Variants in GPHN observed in about 807,000 individuals in gnomAD.
GPHN encodes gephyrin.
GPHN carries 17 observed loss-of-function variants against 95.5 expected under a neutral mutation model. The ratio of observed to expected loss-of-function variants is 0.18; its 90% CI spans 0.12 to 0.27. The LOEUF is 0.27. Among genes scored for constraint, GPHN ranks in the 10% least tolerant of loss-of-function variants. The pLI is 1.00. For synonymous variants in GPHN, 320 were observed against 322.5 expected, an observed-to-expected ratio of 0.99 and a Z score of 0.08; for missense variants, 660 against 978.1, an observed-to-expected ratio of 0.67 and a Z score of 4.34.
At chr14:66,742,339 T>C (rs948586163) in intron 2 of GPHN, among the ~76,000 whole-genome samples, 3 of 152,194 alleles carry the variant, frequency 2.0e-5, no homozygotes, top group African/African-American at 7.2e-5. Context: ...GAGAATTAGA[T>C]TTTTTATGTA....
At chr14:67,484,744 T>G in the GPHN span, among the ~76,000 whole-genome samples, 1 of 152,060 alleles carries the variant, frequency 6.6e-6, no homozygotes, top group African/African-American at 2.4e-5. Context: ...GGCAACATAG[T>G]GAGACCTCAT....
At chr14:66,649,282 C>A (rs1482284619) in intron 1 of GPHN, among the ~76,000 whole-genome samples, 1 of 151,800 alleles carries the variant, frequency 6.6e-6, no homozygotes, top group East Asian at 1.9e-4. Context: ...TGCAGTGAGC[C>A]AAGATCACGC....
intron 2 of GPHN, among the ~76,000 whole-genome samples, chr14:66,740,162 TG>T (rs2153439507): frequency 6.6e-6 from 1 of 152,252 alleles, no homozygotes; most frequent in Admixed American, 6.5e-5. Context: ...CTCACAAAAA[TG>T]TCTAAAATAT....
the GPHN span, chr14:67,691,231 G>A: frequency 2.6e-5 from 42 of 1,613,642 alleles, no homozygotes; most frequent in Middle Eastern, 5.9e-3. Flanking sequence ...TCAAAACGTG[G>A]AGGTGCTTTT....
chr14:67,388,481 T>G, the GPHN span, among the ~76,000 whole-genome samples: 1 of 152,192 alleles, frequency 6.6e-6, no homozygotes, highest in Non-Finnish European at 1.5e-5. Context: ...AGCTTGGGCC[T>G]CTTCATTTCA....
intron 9 of GPHN, among the ~76,000 whole-genome samples, chr14:66,980,982 G>A (rs1369754747): frequency 6.6e-6 from 1 of 152,216 alleles, no homozygotes; most frequent in Non-Finnish European, 1.5e-5. Context: ...CCGGGAGGCA[G>A]AGGTTGCGGT....
At chr14:67,519,422 G>A in the GPHN span, among the ~76,000 whole-genome samples, 2 of 152,242 alleles carry the variant, frequency 1.3e-5, no homozygotes, top group Non-Finnish European at 2.9e-5. Flanking sequence ...TCCTGCCAGA[G>A]CAACTAGACG....
chr14:66,951,484 C>T (rs1307641370), intron 8 of GPHN, among the ~76,000 whole-genome samples: 1 of 149,968 alleles, frequency 6.7e-6, no homozygotes, highest in Non-Finnish European at 1.5e-5. Context: ...CCACTGCACT[C>T]CAGCCTGGCA....
the GPHN span, among the ~76,000 whole-genome samples, chr14:67,538,737 C>G: frequency 4.6e-5 from 7 of 152,156 alleles, no homozygotes; most frequent in African/African-American, 1.4e-4. Flanking sequence ...TCCTCAGCAA[C>G]TTGCCAGGGA....
chr14:67,412,883 C>G, the GPHN span, among the ~76,000 whole-genome samples: 1 of 151,584 alleles, frequency 6.6e-6, no homozygotes, highest in South Asian at 2.1e-4. Context: ...TGCCTCAGCT[C>G]CCCAAGTAGC....
intron 8 of GPHN, among the ~76,000 whole-genome samples, chr14:66,939,788 C>T (rs2067313943): frequency 6.6e-6 from 1 of 152,226 alleles, no homozygotes; most frequent in South Asian, 2.1e-4. Context: ...GTAAGGGGCA[C>T]TGTTTTGGTA....
At chr14:67,559,692 G>A in the GPHN span, 1 of 1,599,014 alleles carries the variant, frequency 6.3e-7, no homozygotes, top group Non-Finnish European at 8.5e-7. Context: ...GTTGGCAAAG[G>A]TGGGTTGGAA....
the GPHN span, among the ~76,000 whole-genome samples, chr14:67,606,555 G>T: frequency 2.0e-5 from 3 of 152,308 alleles, no homozygotes; most frequent in African/African-American, 7.2e-5. Flanking sequence ...AGCTGTGTAG[G>T]CTTGGAAATA....
intron 2 of GPHN, among the ~76,000 whole-genome samples, chr14:66,754,449 AAAT>A (rs1284717189): frequency 2.0e-4 from 31 of 152,148 alleles, no homozygotes; most frequent in Admixed American, 7.2e-4. Flanking sequence ...GATAATCTGA[AAAT>A]AATAAAACTG....
chr14:66,650,751 A>G (rs972109625), intron 1 of GPHN, among the ~76,000 whole-genome samples: 3 of 152,184 alleles, frequency 2.0e-5, no homozygotes, highest in African/African-American at 7.2e-5. Flanking sequence ...AGAACTATTC[A>G]AGTCTTTGAA....
the GPHN span, among the ~76,000 whole-genome samples, chr14:67,304,637 G>C: frequency 3.9e-5 from 6 of 152,156 alleles, no homozygotes; most frequent in African/African-American, 1.2e-4. Flanking sequence ...GTGGAGATGA[G>C]GATTTATGAG....
the GPHN span, among the ~76,000 whole-genome samples, chr14:67,268,455 A>G: frequency 6.6e-6 from 1 of 152,218 alleles, no homozygotes. Flanking sequence ...GGAATGAAAG[A>G]ATGGCTACTC....
At chr14:67,547,841 A>C in the GPHN span, among the ~76,000 whole-genome samples, 1 of 152,236 alleles carries the variant, frequency 6.6e-6, no homozygotes, top group Non-Finnish European at 1.5e-5. Flanking sequence ...AAAAAGCAGA[A>C]ACATCAAGGC....
the GPHN span, among the ~76,000 whole-genome samples, chr14:67,426,212 G>A: frequency 5.3e-5 from 8 of 152,086 alleles, no homozygotes; most frequent in African/African-American, 1.4e-4. Context: ...CAACAGTCTC[G>A]AAAAGATTCC....
Sources: allele counts gnomAD v4.1 joint callset (sites outside exome capture counted in the v4.1 genomes callset), GRCh38; gene constraint gnomAD v4.1.1; transcripts MANE v1.5; gene names NCBI Gene and HGNC (gene_info 2026-07-23, HGNC 2026-07-21).